The following ITGAM variants were observed in gnomAD, a reference collection of about 807,000 sequenced individuals.
ITGAM encodes the protein integrin alpha-M.
In ITGAM, 79 loss-of-function variants were observed where a neutral mutation model predicts 137.5. The observed-to-expected ratio is 0.57, with a 90% CI of 0.48 to 0.69. The LOEUF (loss-of-function observed/expected upper bound fraction) is 0.69, where lower values mean the gene tolerates loss of function less well. Among genes scored for constraint, ITGAM ranks in the 30% least tolerant of loss-of-function variants. ITGAM has a pLI of 0.00. For missense variants in ITGAM, 1,343 were observed against 1,483.5 expected, an observed-to-expected ratio of 0.91 and a Z score of 1.56; for synonymous variants, 583 against 592.3, an observed-to-expected ratio of 0.98 and a Z score of 0.23.
intron 22 of ITGAM, among the ~76,000 whole-genome samples, chr16:31,327,619 T>TAATAATA (rs1469921279): frequency 2.0e-5 from 3 of 149,416 alleles, no homozygotes; most frequent in African/African-American, 7.4e-5. Context: ...ATAATAATAA[T>TAATAATA]AAAAAATAAA....
At chr16:31,270,699 GTA>G (rs869206231) in intron 5 of ITGAM, among the ~76,000 whole-genome samples, 1,452 of 25,834 alleles carry the variant, frequency 0.056, 50 homozygotes, top group African/African-American at 0.094. Flanking sequence ...GTGTGTGTGT[GTA>G]TATATATATA....
intron 5 of ITGAM, among the ~76,000 whole-genome samples, chr16:31,267,991 C>T (rs1454010374): frequency 2.0e-5 from 3 of 152,074 alleles, no homozygotes; most frequent in South Asian, 4.1e-4. Flanking sequence ...ATTAACTTCC[C>T]CCTTCCTCTG....
intron 12 of ITGAM, among the ~76,000 whole-genome samples, chr16:31,295,952 CT>C (rs1042049721): frequency 6.6e-6 from 1 of 151,114 alleles, no homozygotes; most frequent in African/African-American, 2.4e-5. Context: ...TTGTCAAATG[CT>C]TTTTTTTGCG....
intron 1 of ITGAM, among the ~76,000 whole-genome samples, 158 bp from the exon 2 acceptor site, chr16:31,261,534 T>A (rs1016751929): frequency 2.3e-4 from 35 of 151,884 alleles, no homozygotes; most frequent in African/African-American, 7.7e-4. Flanking sequence ...GTATTTAATT[T>A]TGAGATAGGA....
intron 9 of ITGAM, 109 bp from the exon 10 acceptor site, chr16:31,276,562 C>A: frequency 1.4e-6 from 1 of 734,774 alleles, no homozygotes; most frequent in Non-Finnish European, 2.4e-6. Flanking sequence ...TAACTCCTGA[C>A]CTCAAGTGAT....
intron 14 of ITGAM, among the ~76,000 whole-genome samples, chr16:31,315,990 C>G: frequency 6.7e-6 from 1 of 149,360 alleles, no homozygotes; most frequent in African/African-American, 2.5e-5. Flanking sequence ...GTCAGGAAAT[C>G]GAGACCGTCA....
At position 31,278,073 on chromosome 16, in the gene ITGAM, C is replaced by G. The variant is rs1186271574; in HGVS notation, c.1320C>G (p.Gly440=). ...TAGCGATGTTCAGGCAGAACACTGG[C>G]ATGTGGGAGTCCAACGCTAATGTCA... The part of the protein sequence containing the change: ...GLVAMFRQNT[G]MWESNANVKG... The change falls in exon 12 of 30, where the codon GGC becomes GGG. Residue 440 remains glycine, a synonymous_variant. Coordinates refer to ENST00000544665, the MANE Select transcript of ITGAM (RefSeq NM_000632.4). 6.2e-7 allele frequency: 1 copy of G among 1,608,678 alleles called. No homozygotes were observed. The highest frequency in any genetic ancestry group is 1.1e-5 in the South Asian group (1 of 89,884).
chr16:31,259,994 T>C lies in ITGAM; in HGVS notation c.-71T>C. On this transcript the variant is annotated 5_prime_UTR_variant, in exon 1 of 30. Transcript: ENST00000544665. ...TTCTGCCCTTCTTTGCTTTGGTGGC[T>C]TCCTTGTGGTTCCTCAGTGGTGCCT... is the stretch of plus-strand genomic sequence containing the variant. 1 of 1,347,532 alleles carries C rather than the reference T, an allele frequency of 7.4e-7. No individual in the cohort carries two copies. The highest frequency in any genetic ancestry group is 1.4e-5 in the African/African-American group (1 of 69,448). 83.5% of individuals were successfully genotyped at this position (1,347,532 alleles called of 1,614,324 possible).
At chr16:31,327,639 AAG>A (rs902606293) in intron 22 of ITGAM, among the ~76,000 whole-genome samples, 11 of 152,072 alleles carry the variant, frequency 7.2e-5, no homozygotes, top group Admixed American at 5.2e-4. Context: ...AAGGGAAAAA[AAG>A]AAAATATATT....
intron 12 of ITGAM, among the ~76,000 whole-genome samples, chr16:31,288,577 C>T (rs973318737): frequency 1.6e-4 from 24 of 152,158 alleles, no homozygotes; most frequent in East Asian, 5.8e-4. Context: ...GAAACTGGAT[C>T]GCTTCCTTAC....
intron 14 of ITGAM, among the ~76,000 whole-genome samples, chr16:31,302,461 T>C (rs1470861521): frequency 1.1e-5 from 1 of 87,538 alleles, no homozygotes; most frequent in African/African-American, 7.1e-5. Context: ...CTTCCTTCCT[T>C]TCTTTCTTTC....
At chr16:31,330,878 C>G (rs111209391) in intron 28 of ITGAM, among the ~76,000 whole-genome samples, 7 of 98,120 alleles carry the variant, frequency 7.1e-5, no homozygotes, top group Admixed American at 9.3e-5. Flanking sequence ...TGGAGATAGA[C>G]AGAGAGATAG....
chr16:31,314,490 C>A (rs1354661860), intron 14 of ITGAM, among the ~76,000 whole-genome samples: 1 of 152,092 alleles, frequency 6.6e-6, no homozygotes, highest in African/African-American at 2.4e-5. Flanking sequence ...ATAGGGAATC[C>A]TTTCCCCATT....
intron 12 of ITGAM, among the ~76,000 whole-genome samples, chr16:31,288,760 G>A (rs1247806873): frequency 6.6e-6 from 1 of 152,160 alleles, no homozygotes; most frequent in East Asian, 1.9e-4. Flanking sequence ...TGACAAATGG[G>A]ATCTAATTAA....
chr16:31,309,457 C>T (rs960252862), intron 14 of ITGAM, among the ~76,000 whole-genome samples: 2 of 140,732 alleles, frequency 1.4e-5, no homozygotes, highest in East Asian at 2.0e-4. Flanking sequence ...CTGTTTTACC[C>T]GAGACTAGGA....
At chr16:31,301,203 C>T (rs1327159950) in intron 14 of ITGAM, among the ~76,000 whole-genome samples, 2 of 152,174 alleles carry the variant, frequency 1.3e-5, no homozygotes, top group African/African-American at 4.8e-5. Context: ...AGATGTTTTA[C>T]TTTTTCATTG....
chr16:31,282,127 CT>C (rs1245887387), intron 12 of ITGAM, among the ~76,000 whole-genome samples: 1 of 152,124 alleles, frequency 6.6e-6, no homozygotes, highest in Non-Finnish European at 1.5e-5. Flanking sequence ...CTGAGGAGTG[CT>C]TTACTTCCAA....
At chr16:31,266,757 T>C (rs555912140) in intron 5 of ITGAM, among the ~76,000 whole-genome samples, 5 of 151,954 alleles carry the variant, frequency 3.3e-5, no homozygotes, top group Non-Finnish European at 7.4e-5. Context: ...TGGTGCAAGG[T>C]GTCATTGGCA....
chr16:31,277,754 A>C (rs993602687), intron 11 of ITGAM, among the ~76,000 whole-genome samples: 1 of 152,086 alleles, frequency 6.6e-6, no homozygotes, highest in African/African-American at 2.4e-5. Context: ...CGGACTCCCA[A>C]AGTGCTGGGA....
Sources: gnomAD v4.1 joint callset for allele counts (sites outside exome capture counted in the v4.1 genomes callset) on GRCh38, gnomAD v4.1.1 for gene constraint, MANE v1.5 for transcripts, NCBI Gene and HGNC (gene_info 2026-07-23, HGNC 2026-07-21) for gene names.